Variants in PCDHGA2 observed in about 807,000 individuals in gnomAD.
PCDHGA2 encodes protocadherin gamma-A2.
In PCDHGA2, 40 loss-of-function variants were observed where a neutral mutation model predicts 59.2. The observed-to-expected ratio is 0.68, with a 90% CI of 0.52 to 0.88. PCDHGA2 has a LOEUF of 0.88. PCDHGA2 is among the 40% of genes least tolerant of loss of function. The pLI, the probability that PCDHGA2 is intolerant of heterozygous loss-of-function variation, is 0.00. For missense variants in PCDHGA2, 1,226 were observed against 1,204.0 expected, an observed-to-expected ratio of 1.02 and a Z score of -0.27; for synonymous variants, 560 against 526.0, an observed-to-expected ratio of 1.06 and a Z score of -0.89.
intron 1 of PCDHGA2, among the ~76,000 whole-genome samples, chr5:141,434,448 G>A (rs2097694852): frequency 6.6e-6 from 1 of 152,210 alleles, no homozygotes; most frequent in Non-Finnish European, 1.5e-5. Context: ...CATGCTGGAA[G>A]GTAGTGGGTT....
Position 141,501,330 on chromosome 5 carries a change from CA to C in PCDHGA2, c.2484-4062del, listed in dbSNP as rs1562200936. 1.8e-3 allele frequency among the ~76,000 whole-genome samples: 266 copies of C among 151,500 alleles called. 1 individual carries two copies. Among genetic ancestry groups the C allele is most frequent in the African/African-American group, 5.1e-3 (210 of 41,250 alleles). On this transcript the variant is annotated intron_variant, in intron 2 of 3. Transcript: ENST00000394576. ...ACACACACACACACACACACACACACACACCCCAAACTCAATAGGGCAAGAA... is the reference window on the plus strand; with the variant it reads ...ACACACACACACACACACACACACACCACCCCAAACTCAATAGGGCAAGAA...
intron 1 of PCDHGA2, chr5:141,419,364 C>T (rs1360235541): frequency 1.1e-5 from 18 of 1,613,690 alleles, no homozygotes; most frequent in Non-Finnish European, 1.3e-5. Flanking sequence ...CGAACGCTGT[C>T]GTCCTACGTG....
chr5:141,406,555 A>G (rs2094824314), intron 1 of PCDHGA2, among the ~76,000 whole-genome samples: 1 of 152,224 alleles, frequency 6.6e-6, no homozygotes. Context: ...TCAGTTATCC[A>G]CTTCCAAACC....
intron 1 of PCDHGA2, chr5:141,345,244 T>C (rs374182078): frequency 2.5e-6 from 4 of 1,613,848 alleles, no homozygotes; most frequent in Middle Eastern, 1.6e-4. Flanking sequence ...TATTACCGCT[T>C]AGTGACGGCC....
In PCDHGA2 at chr5:141,485,233, C is replaced by T; in HGVS notation, c.2425-9574C>T. 1.2e-6 allele frequency: 2 copies of T among 1,614,182 alleles called. No individual in the cohort carries two copies. The highest frequency in any genetic ancestry group is 1.7e-6 in the Non-Finnish European group (2 of 1,180,030). ...GGCGGTGGGCTACCCTTTTGTTCCTCTTTTACCACCTGGGTTACGTTTGTG... is the reference window on the plus strand; with the variant it reads ...GGCGGTGGGCTACCCTTTTGTTCCTTTTTTACCACCTGGGTTACGTTTGTG... On this transcript the variant is annotated intron_variant, in intron 1 of 3. Transcript: ENST00000394576. This position sits in a 1 kb window ranked among gnomAD's most constrained non-coding sequence, Gnocchi z 5.7.
chr5:141,370,542 C>T (rs1009513071), intron 1 of PCDHGA2: 17 of 1,613,784 alleles, frequency 1.1e-5, no homozygotes, highest in Non-Finnish European at 1.4e-5. Context: ...GGTAGGGAAC[C>T]TCGCCAAGGA....
chr5:141,346,442 T>C, intron 1 of PCDHGA2: 1 of 1,614,232 alleles, frequency 6.2e-7, no homozygotes, highest in Non-Finnish European at 8.5e-7. Flanking sequence ...TGAAAGGAGA[T>C]TCCAACCTAC....
At chr5:141,393,363 A>T (rs1464639963) in intron 1 of PCDHGA2, 1 of 1,613,930 alleles carries the variant, frequency 6.2e-7, no homozygotes, top group South Asian at 1.1e-5. Flanking sequence ...GGACGTGCAG[A>T]CTGGAGACAA....
At position 141,491,735 on chromosome 5, in the gene PCDHGA2, G is replaced by C. The variant is rs765837152; in HGVS notation, c.2425-3072G>C. ...TCGGCGCCGCCCCGGGCGACCCCTG[G>C]GGGCGGCACTGGAGAAGCCGCCCGT... On this transcript the variant is annotated intron_variant, in intron 1 of 3. Coordinates refer to ENST00000394576, the MANE Select transcript of PCDHGA2 (RefSeq NM_018915.4). The surrounding 1 kb of genome is among the most constrained non-coding windows in gnomAD (Gnocchi z 6.9). 2.5e-6 allele frequency: 4 copies of C among 1,601,968 alleles called. No homozygotes were observed. In the South Asian group the frequency reaches 4.4e-5, roughly 18 times the overall value.
Position 141,339,775 on chromosome 5 carries a change from C to A in PCDHGA2, c.804C>A (p.Asp268Glu). 6.2e-7 allele frequency: 1 copy of A among 1,614,144 alleles called. No homozygotes were observed. Among genetic ancestry groups the A allele is most frequent in the Non-Finnish European group, 8.5e-7 (1 of 1,180,022 alleles). ...GTRILTVTAT[D>E]ADEGYYAQVV... ...GGATACTCACGGTGACCGCCACTGA[C>A]GCAGATGAGGGCTACTACGCTCAAG... Residue 268 changes from aspartate to glutamate, a missense_variant, in exon 1 of 4, where the codon GAC (aspartate) becomes GAA (glutamate). Transcript: ENST00000394576.
intron 1 of PCDHGA2, chr5:141,356,846 G>T (rs766650445): frequency 6.2e-7 from 1 of 1,614,178 alleles, no homozygotes; most frequent in Admixed American, 1.7e-5. Flanking sequence ...GTGTCACTGA[G>T]CCTCTTTGTG....
intron 2 of PCDHGA2, among the ~76,000 whole-genome samples, chr5:141,500,259 A>G (rs1595658540): frequency 6.6e-6 from 1 of 151,044 alleles, no homozygotes; most frequent in East Asian, 2.0e-4. Context: ...CCCAGGCTGG[A>G]CTGCAGTGGC....
At chr5:141,434,713 T>C (rs1377558306) in intron 1 of PCDHGA2, among the ~76,000 whole-genome samples, 1 of 152,088 alleles carries the variant, frequency 6.6e-6, no homozygotes, top group Non-Finnish European at 1.5e-5. Flanking sequence ...GGTAAATCTC[T>C]GTTCAGGGCT....
intron 1 of PCDHGA2, chr5:141,352,602 C>T (rs759443418): frequency 6.2e-7 from 1 of 1,613,658 alleles, no homozygotes; most frequent in South Asian, 1.1e-5. Context: ...TGTGATGATC[C>T]TTCTATGGTT....
chr5:141,398,776 G>C, intron 1 of PCDHGA2: 2 of 1,613,904 alleles, frequency 1.2e-6, no homozygotes. Context: ...TGCCTTGGAC[G>C]GTGGACATCC....
intron 1 of PCDHGA2, chr5:141,388,479 C>A (rs1345463224): frequency 6.2e-7 from 1 of 1,613,770 alleles, no homozygotes. Context: ...ATTGAAGACA[C>A]CTTTGGACAG....
chr5:141,440,905 C>A (rs986711694), intron 1 of PCDHGA2: 1 of 152,184 alleles, frequency 6.6e-6, no homozygotes, highest in East Asian at 1.9e-4. Context: ...TGCATCCGGG[C>A]ACTCCTGTGC....
chr5:141,505,377 C>G lies in PCDHGA2; in HGVS notation c.2484-16C>G, dbSNP rs1368451336. 1.9e-6 allele frequency: 3 copies of G among 1,614,036 alleles called. No homozygotes were observed. In the East Asian group the frequency reaches 6.7e-5, roughly 36 times the overall value. On this transcript the variant is annotated splice_polypyrimidine_tract_variant and intron_variant, in intron 2 of 3. Coordinates refer to ENST00000394576, the MANE Select transcript of PCDHGA2 (RefSeq NM_018915.4). Reference sequence around the variant, plus strand: ...CGGCCTGGGAGTCTGTGCTCACCATCCTACTCTCTCCCCAGCTCCCAAAAT... The same window carrying G: ...CGGCCTGGGAGTCTGTGCTCACCATGCTACTCTCTCCCCAGCTCCCAAAAT...
At position 141,476,193 on chromosome 5, in the gene PCDHGA2, T is replaced by C. The variant is rs1224461188; in HGVS notation, c.2425-18614T>C. On this transcript the variant is annotated intron_variant, in intron 1 of 3. Coordinates refer to ENST00000394576, the MANE Select transcript of PCDHGA2 (RefSeq NM_018915.4). The surrounding 1 kb of genome is among the most constrained non-coding windows in gnomAD (Gnocchi z 7.6). The stretch of plus-strand genomic sequence containing the variant: ...GGAGTTTTGCTTCTGCTTGGTGCCT[T>C]GAACAAGGCTTCCACGGTCATTCAC... The C allele has an allele frequency of 6.2e-7, 1 of 1,613,812 alleles. No homozygotes were observed. Among genetic ancestry groups the C allele is most frequent in the South Asian group, 1.1e-5 (1 of 91,068 alleles).
Sources: gnomAD v4.1 joint callset for allele counts (sites outside exome capture counted in the v4.1 genomes callset) on GRCh38, gnomAD v4.1.1 for gene constraint, Gnocchi (gnomAD v3.1) non-coding constraint, MANE v1.5 for transcripts, NCBI Gene and HGNC (gene_info 2026-07-23, HGNC 2026-07-21) for gene names.